The following CATSPERE variants were observed in gnomAD, a reference collection of about 807,000 sequenced individuals.
The protein encoded by CATSPERE is cation channel sperm-associated auxiliary subunit epsilon.
Under a neutral mutation model 114.1 loss-of-function variants are expected in CATSPERE, and 93 were observed. The observed-to-expected ratio is 0.81, with a 90% CI of 0.69 to 0.97. The LOEUF (loss-of-function observed/expected upper bound fraction) is 0.97, where lower values mean the gene tolerates loss of function less well. Ranked by LOEUF, CATSPERE falls within the 50% of genes least tolerant of loss-of-function variation. CATSPERE has a pLI of 0.00. For synonymous variants in CATSPERE, 341 were observed against 384.1 expected (o/e 0.89, Z 1.31); for missense variants, 1,058 against 1,131.6 (o/e 0.93, Z 0.93).
At chr1:244,473,058 A>G (rs1443856613) in intron 2 of CATSPERE, among the ~76,000 whole-genome samples, 3 of 152,250 alleles carry the variant, frequency 2.0e-5, no homozygotes, top group Non-Finnish European at 4.4e-5. Context: ...AGTTTGGGCA[A>G]TTACAGATAA....
intron 9 of CATSPERE, among the ~76,000 whole-genome samples, chr1:244,559,052 G>A (rs1344075149): frequency 3.3e-5 from 5 of 152,180 alleles, no homozygotes; most frequent in African/African-American, 7.2e-5. Flanking sequence ...TCACCTGCAC[G>A]ATTATGCCGA....
intron 11 of CATSPERE, among the ~76,000 whole-genome samples, chr1:244,574,271 T>C (rs1664906688): frequency 6.6e-6 from 1 of 152,172 alleles, no homozygotes; most frequent in Admixed American, 6.5e-5. Flanking sequence ...TGTGAGCACG[T>C]CCAGCACAGA....
chr1:244,543,771 AAG>A (rs1473228585), intron 8 of CATSPERE, among the ~76,000 whole-genome samples: 3 of 151,774 alleles, frequency 2.0e-5, no homozygotes, highest in Non-Finnish European at 4.4e-5. Context: ...TTGACAAGAT[AAG>A]AGAGGATTCT....
chr1:244,592,395 C>T (rs186522745), intron 15 of CATSPERE, among the ~76,000 whole-genome samples: 2 of 151,920 alleles, frequency 1.3e-5, no homozygotes, highest in Non-Finnish European at 2.9e-5. Flanking sequence ...TTGACTTTTA[C>T]CTTTGTAAGA....
chr1:244,618,052 G>T (rs1047885484), intron 20 of CATSPERE, among the ~76,000 whole-genome samples: 1 of 152,092 alleles, frequency 6.6e-6, no homozygotes, highest in African/African-American at 2.4e-5. Context: ...AATACAGGAG[G>T]TATTTTTCAA....
At chr1:244,599,130 A>G (rs970612750) in intron 17 of CATSPERE, among the ~76,000 whole-genome samples, 2 of 152,172 alleles carry the variant, frequency 1.3e-5, no homozygotes, top group Non-Finnish European at 2.9e-5. Context: ...TTCGACCCAC[A>G]TCCCATTATC....
rs543193497 is a variant in CATSPERE, at chr1:244,509,021, AAAG to A, written c.430-9565_430-9563del. On this transcript the variant is annotated intron_variant, in intron 7 of 21. Transcript: ENST00000366534. ...AAAATTGTGTCATTGTGTCATCTGC[AAAG>A]AAGAACAATTTATTTTCCAACCTTG... 1.1e-4 allele frequency among the ~76,000 whole-genome samples: 16 copies of A among 151,768 alleles called. No individual in the cohort carries two copies. In the East Asian group the frequency reaches 3.1e-3, roughly 29 times the overall value.
upstream of CATSPERE, among the ~76,000 whole-genome samples, chr1:244,451,481 C>A (rs1217680590): frequency 3.3e-5 from 5 of 152,226 alleles, no homozygotes; most frequent in Non-Finnish European, 7.3e-5. The surrounding 1 kb of genome is among the most constrained non-coding windows in gnomAD (Gnocchi z 6.6). Context: ...CATTTCTCCA[C>A]GTAGCCGCAG....
intron 8 of CATSPERE, among the ~76,000 whole-genome samples, chr1:244,546,028 C>A (rs1386182219): frequency 6.6e-6 from 1 of 152,202 alleles, no homozygotes; most frequent in Non-Finnish European, 1.5e-5. Context: ...AACATAGACC[C>A]TTTCTGGGCA....
rs749558835 is a variant in CATSPERE, at chr1:244,593,540, G to A, written c.2265G>A (p.Arg755=). The A allele has an allele frequency of 6.2e-7, 1 of 1,614,042 alleles. No homozygotes were observed. The highest frequency in any genetic ancestry group is 1.1e-5 in the South Asian group (1 of 91,074). Residue 755 remains arginine, a synonymous_variant, in exon 17 of 22, where the codon AGG becomes AGA. Transcript: ENST00000366534. Reference sequence around the variant, plus strand: ...GGGGAGAATATGGCTGCCCTCTGAGGCTTGACTTCACAGAAAAGTTTCAAC... The same window carrying A: ...GGGGAGAATATGGCTGCCCTCTGAGACTTGACTTCACAGAAAAGTTTCAAC... ...YIWGEYGCPL[R]LDFTEKFQPV...
intron 7 of CATSPERE, among the ~76,000 whole-genome samples, chr1:244,513,639 G>A (rs1289396862): frequency 1.3e-5 from 2 of 152,202 alleles, no homozygotes; most frequent in African/African-American, 2.4e-5. Context: ...CTTGCAACGA[G>A]CAGGGTGGAT....
chr1:244,508,581 G>A (rs1380467542), intron 7 of CATSPERE, among the ~76,000 whole-genome samples: 6 of 151,684 alleles, frequency 4.0e-5, no homozygotes, highest in Admixed American at 1.3e-4. Flanking sequence ...GATTACAGGC[G>A]TGAGCCACTG....
At chr1:244,482,833 T>A (rs1024416013) in intron 5 of CATSPERE, among the ~76,000 whole-genome samples, 6 of 152,188 alleles carry the variant, frequency 3.9e-5, no homozygotes, top group African/African-American at 7.2e-5. Flanking sequence ...CTAAATATTA[T>A]ATAATGAATG....
chr1:244,467,211 A>AT (rs1441135515), intron 2 of CATSPERE, among the ~76,000 whole-genome samples: 3 of 152,166 alleles, frequency 2.0e-5, no homozygotes, highest in African/African-American at 4.8e-5. Flanking sequence ...AATATTTATA[A>AT]TTTGAACCAG....
intron 8 of CATSPERE, among the ~76,000 whole-genome samples, chr1:244,552,064 CAAAAAAAAAAA>C (rs33962480): frequency 1.6e-5 from 1 of 61,330 alleles, no homozygotes; most frequent in Non-Finnish European, 2.8e-5. Flanking sequence ...ACTCTGTCTC[CAAAAAAAAAAA>C]AAAAAAAAAA....
chr1:244,551,117 C>T (rs1393383858), intron 8 of CATSPERE, among the ~76,000 whole-genome samples: 2 of 152,202 alleles, frequency 1.3e-5, no homozygotes, highest in Non-Finnish European at 2.9e-5. Flanking sequence ...AGAAAATGCC[C>T]TCCCCCTAAC....
At chr1:244,477,507 T>C (rs370418073) in intron 2 of CATSPERE, 34 bp from the exon 3 acceptor site, 36 of 1,231,658 alleles carry the variant, frequency 2.9e-5, no homozygotes, top group Non-Finnish European at 4.3e-5. Flanking sequence ...GTTTGAATGA[T>C]ATTTTTTGTT....
chr1:244,529,066 A>G (rs1181752422), intron 8 of CATSPERE, among the ~76,000 whole-genome samples: 1 of 152,026 alleles, frequency 6.6e-6, no homozygotes, highest in African/African-American at 2.4e-5. Context: ...CATTTTCTTT[A>G]TCCATTCACC....
chr1:244,640,191 A>AGTG lies in CATSPERE; in HGVS notation c.*112_*113insGGT. ...CAAGAAATACTAAATATAAGCTCGT[A>AGTG]GTAGGCATCACCAAATTCAAGATCT... On this transcript the variant is annotated 3_prime_UTR_variant, in exon 22 of 22. Coordinates refer to ENST00000366534, the MANE Select transcript of CATSPERE (RefSeq NM_001130957.2). 1 of 797,556 alleles carries AGTG rather than the reference A, an allele frequency of 1.3e-6. No homozygotes were observed. The highest frequency in any genetic ancestry group is 1.9e-6 in the Non-Finnish European group (1 of 523,834). The allele number at this position is 797,556 out of a possible 1,614,324, so 49.4% of individuals were successfully genotyped here.
Sources: allele counts gnomAD v4.1 joint callset (sites outside exome capture counted in the v4.1 genomes callset), GRCh38; gene constraint gnomAD v4.1.1; non-coding constraint Gnocchi (gnomAD v3.1); transcripts MANE v1.5; gene names NCBI Gene and HGNC (gene_info 2026-07-23, HGNC 2026-07-21).